Variants in TSHZ2 observed in about 807,000 individuals in gnomAD.
TSHZ2 encodes the protein teashirt homolog 2.
TSHZ2 carries 21 observed loss-of-function variants against 74.4 expected under a neutral mutation model. That is an observed-to-expected ratio of 0.28 (90% confidence interval 0.20 to 0.41). The LOEUF is 0.41. TSHZ2 is among the 10% of genes least tolerant of loss of function. The pLI, the probability that TSHZ2 is intolerant of heterozygous loss-of-function variation, is 1.00. For synonymous variants in TSHZ2, 540 were observed against 515.3 expected (o/e 1.05, Z -0.65); for missense variants, 1,244 against 1,293.5 (o/e 0.96, Z 0.59).
chr20:53,389,045 G>A (rs1378113554), intron 2 of TSHZ2, among the ~76,000 whole-genome samples: 1 of 152,226 alleles, frequency 6.6e-6, no homozygotes, highest in African/African-American at 2.4e-5. Context: ...TCAATATTAA[G>A]AGAAAATGAA....
At position 53,314,600 on chromosome 20, in the gene TSHZ2, T is replaced by G. The variant is rs541226190; in HGVS notation, c.*8+58029T>G. Among the ~76,000 whole-genome samples the G allele has an allele frequency of 2.0e-5, 3 of 151,666 alleles. No individual in the cohort carries two copies. The East Asian group carries it at 5.8e-4, about 29-fold the overall frequency. ...CCTTCCAATCTCCTTACGAACAGTCTTATTTCATAATGTAGTCCTAGCTTT... is the reference window on the plus strand; with the variant it reads ...CCTTCCAATCTCCTTACGAACAGTCGTATTTCATAATGTAGTCCTAGCTTT... On this transcript the variant is annotated intron_variant, in intron 2 of 2. Coordinates refer to ENST00000371497, the MANE Select transcript of TSHZ2 (RefSeq NM_173485.6).
chr20:53,300,159 A>C (rs1205828730), intron 2 of TSHZ2, among the ~76,000 whole-genome samples: 2 of 152,218 alleles, frequency 1.3e-5, no homozygotes, highest in African/African-American at 4.8e-5. Context: ...CTGTTTTAGT[A>C]ACTTCCCACA....
At position 53,255,351 on chromosome 20, in the gene TSHZ2, C is replaced by T. The variant is rs749657103; in HGVS notation, c.1893C>T (p.Gly631=). 24 of 1,613,972 alleles carry T rather than the reference C, an allele frequency of 1.5e-5. No homozygotes were observed. The East Asian group carries it at 2.0e-4, about 13-fold the overall frequency. ...EEASSFSHSE[G]DSFRKSETPP... Reference sequence around the variant, plus strand: ...CCTCATCTTTCAGCCACAGTGAGGGCGATTCTTTCCGCAAAAGTGAAACAC... The same window carrying T: ...CCTCATCTTTCAGCCACAGTGAGGGTGATTCTTTCCGCAAAAGTGAAACAC... The change falls in exon 2 of 3, where the codon GGC becomes GGT. Residue 631 remains glycine, a synonymous_variant. Coordinates refer to ENST00000371497, the MANE Select transcript of TSHZ2 (RefSeq NM_173485.6). The surrounding 1 kb of genome is among the most constrained non-coding windows in gnomAD (Gnocchi z 4.1).
chr20:53,296,572 T>C (rs555909636), intron 2 of TSHZ2, among the ~76,000 whole-genome samples: 1 of 152,330 alleles, frequency 6.6e-6, no homozygotes, highest in African/African-American at 2.4e-5. Context: ...ACACACTTTA[T>C]CTTTTTCTTA....
At chr20:52,997,484 T>G (rs1195446255) in intron 1 of TSHZ2, among the ~76,000 whole-genome samples, 5 of 152,202 alleles carry the variant, frequency 3.3e-5, no homozygotes, top group Admixed American at 6.5e-5. Context: ...AGATTTCATT[T>G]CAATCCCATG....
chr20:53,247,034 A>C (rs982923326), intron 1 of TSHZ2, among the ~76,000 whole-genome samples: 7 of 152,190 alleles, frequency 4.6e-5, no homozygotes, highest in African/African-American at 1.7e-4. Flanking sequence ...TGGGCTCAGG[A>C]TGGCCCCCCA....
At chr20:53,063,414 A>G (rs1157498438) in intron 1 of TSHZ2, among the ~76,000 whole-genome samples, 1 of 152,236 alleles carries the variant, frequency 6.6e-6, no homozygotes, top group Non-Finnish European at 1.5e-5. Flanking sequence ...TTAAATAAAC[A>G]TTAATGCAAA....
At chr20:53,060,091 G>C (rs938692806) in intron 1 of TSHZ2, among the ~76,000 whole-genome samples, 1 of 152,126 alleles carries the variant, frequency 6.6e-6, no homozygotes, top group Admixed American at 6.6e-5. Context: ...GGGCTACATT[G>C]TCTCTGCCTG....
chr20:53,233,060 A>G (rs1157038132), intron 1 of TSHZ2, among the ~76,000 whole-genome samples: 5 of 152,266 alleles, frequency 3.3e-5, no homozygotes, highest in Non-Finnish European at 7.3e-5. Flanking sequence ...GAAAAAGATA[A>G]GCAAAATAAA....
intron 2 of TSHZ2, among the ~76,000 whole-genome samples, chr20:53,441,613 C>T (rs957014873): frequency 1.3e-5 from 2 of 151,126 alleles, no homozygotes; most frequent in African/African-American, 4.9e-5. Flanking sequence ...GATGGAGTCT[C>T]GCTCTGTCAC....
At chr20:53,086,272 G>A (rs914450392) in intron 1 of TSHZ2, among the ~76,000 whole-genome samples, 3 of 152,336 alleles carry the variant, frequency 2.0e-5, no homozygotes, top group Admixed American at 2.0e-4. Flanking sequence ...ATGTCGGAGA[G>A]GGTAGAGCCA....
At position 53,058,006 on chromosome 20, in the gene TSHZ2, G is replaced by C. The variant is rs560168988; in HGVS notation, c.40+84673G>C. Reference sequence around the variant, plus strand: ...GACGATTTTTCTAGGACTGGAGGTAGGGGGATGATTTCAGGATGAAACTGT... The same window carrying C: ...GACGATTTTTCTAGGACTGGAGGTACGGGGATGATTTCAGGATGAAACTGT... On this transcript the variant is annotated intron_variant, in intron 1 of 2. Coordinates refer to ENST00000371497, the MANE Select transcript of TSHZ2 (RefSeq NM_173485.6). 2.0e-5 allele frequency among the ~76,000 whole-genome samples: 3 copies of C among 152,286 alleles called. No homozygotes were observed. In the South Asian group the frequency reaches 6.2e-4, roughly 32 times the overall value.
At chr20:53,239,643 G>T (rs1990020324) in intron 1 of TSHZ2, among the ~76,000 whole-genome samples, 1 of 152,148 alleles carries the variant, frequency 6.6e-6, no homozygotes, top group African/African-American at 2.4e-5. Context: ...AATGGATTTG[G>T]TGCTTAACTG....
chr20:53,123,761 T>C (rs1986876038), intron 1 of TSHZ2, among the ~76,000 whole-genome samples: 1 of 152,128 alleles, frequency 6.6e-6, no homozygotes, highest in Admixed American at 6.5e-5. Context: ...TCCCGAATTA[T>C]GGAACTGAAG....
At chr20:53,297,946 G>T (rs1009636832) in intron 2 of TSHZ2, among the ~76,000 whole-genome samples, 1 of 152,216 alleles carries the variant, frequency 6.6e-6, no homozygotes, top group South Asian at 2.1e-4. Context: ...CTATGAAATT[G>T]TACAAAATGT....
intron 2 of TSHZ2, among the ~76,000 whole-genome samples, chr20:53,419,001 T>TCAAAGTTCAAGCCATCCTGTG (rs1393200435): frequency 6.6e-6 from 1 of 152,188 alleles, no homozygotes; most frequent in Non-Finnish European, 1.5e-5. Context: ...TGTCTGTCTT[T>TCAAAGTTCAAGCCATCCTGTG]CAAAGTTCAA....
chr20:53,314,287 C>CAAAAAAAAAAAAAAAAAAA (rs5841941), intron 2 of TSHZ2, among the ~76,000 whole-genome samples: 3 of 131,742 alleles, frequency 2.3e-5, no homozygotes, highest in Non-Finnish European at 4.8e-5. Flanking sequence ...GACTCTGTCT[C>CAAAAAAAAAAAAAAAAAAA]AAAAAAAAAA....
chr20:52,993,931 G>C (rs1456161757), intron 1 of TSHZ2, among the ~76,000 whole-genome samples: 2 of 152,178 alleles, frequency 1.3e-5, no homozygotes, highest in Non-Finnish European at 1.5e-5. Context: ...GATGTGAGCT[G>C]GAAACCTTGC....
At chr20:53,370,030 G>A (rs1981410685) in intron 2 of TSHZ2, among the ~76,000 whole-genome samples, 2 of 152,136 alleles carry the variant, frequency 1.3e-5, no homozygotes. Context: ...AATGTCAGGA[G>A]ACGTCTGGTG....
Sources: gnomAD v4.1 joint callset for allele counts (sites outside exome capture counted in the v4.1 genomes callset) on GRCh38, gnomAD v4.1.1 for gene constraint, Gnocchi (gnomAD v3.1) non-coding constraint, MANE v1.5 for transcripts, NCBI Gene and HGNC (gene_info 2026-07-23, HGNC 2026-07-21) for gene names.